The following RBFOX2 variants were observed in gnomAD, a reference collection of about 807,000 sequenced individuals.
The protein encoded by RBFOX2 is RNA binding protein fox-1 homolog 2.
A neutral mutation model predicts 49.1 loss-of-function variants in RBFOX2; 10 were observed. The observed-to-expected ratio is 0.20, with a 90% confidence interval of 0.13 to 0.35. The LOEUF is 0.35. RBFOX2 is among the 10% of genes least tolerant of loss of function. The pLI, the probability that RBFOX2 is intolerant of heterozygous loss-of-function variation, is 1.00. For missense variants in RBFOX2, 323 were observed against 486.9 expected (o/e 0.66, Z 3.17); for synonymous variants, 183 against 187.4 (o/e 0.98, Z 0.19).
chr22:35,752,777 C>A, intron 9 of RBFOX2: 1 of 352,894 alleles, frequency 2.8e-6, no homozygotes, highest in Middle Eastern at 1.5e-3. Flanking sequence ...GCATGCTTTT[C>A]ACAGGAGGTG....
chr22:35,848,550 TCCAAAATAGCTTGGGCCTTTAGGC>T (rs1019928455), intron 1 of RBFOX2, among the ~76,000 whole-genome samples: 1 of 152,134 alleles, frequency 6.6e-6, no homozygotes, highest in Non-Finnish European at 1.5e-5. Flanking sequence ...ACAGGCCCAA[TCCAAAATAGCTTGGGCCTTTAGGC>T]CCAAAATACC....
intron 1 of RBFOX2, among the ~76,000 whole-genome samples, chr22:35,835,040 G>C (rs1350142605): frequency 6.6e-6 from 1 of 152,196 alleles, no homozygotes; most frequent in Non-Finnish European, 1.5e-5. Context: ...TCACTGCCTA[G>C]AAGAGGTTGA....
chr22:35,805,334 G>A (rs1950545289), intron 2 of RBFOX2, among the ~76,000 whole-genome samples: 4 of 144,910 alleles, frequency 2.8e-5, no homozygotes, highest in Admixed American at 2.7e-4. Context: ...GACCTTACCA[G>A]ATACCTCACC....
chr22:35,872,664 C>T (rs1022205489), intron 1 of RBFOX2, among the ~76,000 whole-genome samples: 1 of 152,210 alleles, frequency 6.6e-6, no homozygotes, highest in African/African-American at 2.4e-5. Context: ...TGCCAGGGTG[C>T]TGACGTCTGT....
At chr22:35,814,580 A>G (rs1250924796) in intron 1 of RBFOX2, among the ~76,000 whole-genome samples, 1 of 151,452 alleles carries the variant, frequency 6.6e-6, no homozygotes, top group African/African-American at 2.4e-5. Flanking sequence ...GCATGGTAGC[A>G]TGTGCCTGTA....
chr22:35,753,949 A>AT (rs1302023578), intron 9 of RBFOX2, among the ~76,000 whole-genome samples: 21 of 145,850 alleles, frequency 1.4e-4, no homozygotes, highest in South Asian at 4.4e-4. Flanking sequence ...CGCCTGGCTA[A>AT]TTTTTGTATT....
At chr22:35,778,940 GAAC>G (rs1231806534) in intron 3 of RBFOX2, among the ~76,000 whole-genome samples, 1 of 152,158 alleles carries the variant, frequency 6.6e-6, no homozygotes, top group African/African-American at 2.4e-5. Flanking sequence ...AATAGATTGT[GAAC>G]AACTATCCGA....
intron 1 of RBFOX2, among the ~76,000 whole-genome samples, chr22:36,004,577 C>T (rs1242899065): frequency 1.3e-5 from 2 of 152,124 alleles, no homozygotes; most frequent in Admixed American, 1.3e-4. Context: ...GGGTAGATCA[C>T]CTGAGGTCAG....
chr22:35,870,692 T>C (rs2044261163), intron 1 of RBFOX2, among the ~76,000 whole-genome samples: 1 of 152,088 alleles, frequency 6.6e-6, no homozygotes, highest in African/African-American at 2.4e-5. Flanking sequence ...CAGTGGGGTA[T>C]ATTATATTTT....
intron 1 of RBFOX2, among the ~76,000 whole-genome samples, chr22:35,852,844 T>A (rs988706141): frequency 1.3e-5 from 2 of 152,218 alleles, no homozygotes; most frequent in Non-Finnish European, 2.9e-5. Flanking sequence ...GTATTTAAGA[T>A]GAAAGACTGT....
At chr22:36,002,927 G>A (rs746192598) in intron 1 of RBFOX2, among the ~76,000 whole-genome samples, 9 of 152,306 alleles carry the variant, frequency 5.9e-5, no homozygotes, top group Non-Finnish European at 8.8e-5. Flanking sequence ...CGCCCAGCCC[G>A]GACTCTTCCA....
At chr22:35,851,926 T>A (rs2041986303) in intron 1 of RBFOX2, among the ~76,000 whole-genome samples, 1 of 152,128 alleles carries the variant, frequency 6.6e-6, no homozygotes, top group African/African-American at 2.4e-5. Flanking sequence ...TTAACAGAGA[T>A]TATCAAAGCC....
At chr22:35,866,248 C>A (rs770509942) in intron 1 of RBFOX2, among the ~76,000 whole-genome samples, 2 of 152,072 alleles carry the variant, frequency 1.3e-5, no homozygotes, top group African/African-American at 2.4e-5. Flanking sequence ...TTCCTAAATA[C>A]CTTTGTAGTC....
intron 5 of RBFOX2, among the ~76,000 whole-genome samples, chr22:35,766,508 CT>C (rs1941007197): frequency 6.6e-6 from 1 of 152,052 alleles, no homozygotes; most frequent in African/African-American, 2.4e-5. Context: ...CTTCCTATGT[CT>C]TTTAAGATTT....
At chr22:36,024,050 C>A (rs996936380) in intron 1 of RBFOX2, among the ~76,000 whole-genome samples, 2 of 152,204 alleles carry the variant, frequency 1.3e-5, no homozygotes, top group Non-Finnish European at 2.9e-5. Flanking sequence ...TTGGGAATGA[C>A]CCCAGTAAAT....
At chr22:35,937,162 A>T (rs377482427) in intron 1 of RBFOX2, among the ~76,000 whole-genome samples, 1 of 152,200 alleles carries the variant, frequency 6.6e-6, no homozygotes, top group South Asian at 2.1e-4. Context: ...CCAATCTTAC[A>T]CTTACCCAAT....
At chr22:35,742,111 A>T (rs754771325) in exon 12 of RBFOX2, 2 of 152,242 alleles carry the variant, frequency 1.3e-5, no homozygotes, top group Non-Finnish European at 2.9e-5. Flanking sequence ...ATTTATATAC[A>T]TACAACAAAA....
intron 10 of RBFOX2, among the ~76,000 whole-genome samples, chr22:35,746,202 AAAAG>A (rs1251960887): frequency 2.6e-5 from 4 of 152,350 alleles, no homozygotes; most frequent in African/African-American, 9.6e-5. Context: ...CATAAAATGG[AAAAG>A]AAAGGAGTTG....
rs560139537 is a variant in RBFOX2, at chr22:35,899,066, C to T, written c.-34+39781G>A. Among the ~76,000 whole-genome samples, 12 of 151,744 alleles carry T rather than the reference C, an allele frequency of 7.9e-5. 1 individual carries two copies. The highest frequency in any genetic ancestry group is 2.9e-4 in the African/African-American group (12 of 41,324). On this transcript the variant is annotated intron_variant, in intron 1 of 13. Coordinates refer to the RBFOX2 transcript ENST00000359369. ...CCAGGAGGCAGAGGTTGCGGTGAGC[C>T]GAGGTCTAGCCATTGCACTCCAGCC...
Sources: allele counts gnomAD v4.1 joint callset (sites outside exome capture counted in the v4.1 genomes callset), GRCh38; gene constraint gnomAD v4.1.1; transcripts MANE v1.5; gene names NCBI Gene and HGNC (gene_info 2026-07-23, HGNC 2026-07-21).